MAGI2: variants seen among roughly 807,000 people sequenced by gnomAD.
The protein encoded by MAGI2 is membrane associated guanylate kinase, WW and PDZ domain containing 2, also known as membrane-associated guanylate kinase, WW and PDZ domain-containing protein 2.
In MAGI2, 35 loss-of-function variants were observed where a neutral mutation model predicts 133.3. That is an observed-to-expected ratio of 0.26 (90% CI 0.20 to 0.35). MAGI2 has a LOEUF of 0.35. Among genes scored for constraint, MAGI2 ranks in the 10% least tolerant of loss-of-function variants. The pLI, the probability that MAGI2 is intolerant of heterozygous loss-of-function variation, is 1.00. For synonymous variants in MAGI2, 729 were observed against 710.6 expected, an observed-to-expected ratio of 1.03 and a Z score of -0.41; for missense variants, 1,636 against 1,863.4, an observed-to-expected ratio of 0.88 and a Z score of 2.25.
At chr7:79,173,432 C>T (rs1562962639) in intron 1 of MAGI2, among the ~76,000 whole-genome samples, 1 of 151,986 alleles carries the variant, frequency 6.6e-6, no homozygotes, top group Non-Finnish European at 1.5e-5. Context: ...CTCAAGTGAT[C>T]CTTCCACTTC....
chr7:78,757,305 TTCTCTCTC>T (rs3086250), intron 2 of MAGI2, among the ~76,000 whole-genome samples: 5 of 145,376 alleles, frequency 3.4e-5, no homozygotes, highest in East Asian at 2.1e-4. Context: ...TTCTCCCTCC[TTCTCTCTC>T]TCTCTCTCTC....
chr7:79,276,935 C>T (rs1835272138), intron 1 of MAGI2, among the ~76,000 whole-genome samples: 1 of 151,680 alleles, frequency 6.6e-6, no homozygotes, highest in Admixed American at 6.6e-5. Flanking sequence ...TGCACTCCAG[C>T]CTGGGTGATA....
chr7:78,209,644 A>G (rs561284931), intron 10 of MAGI2, among the ~76,000 whole-genome samples: 2 of 151,150 alleles, frequency 1.3e-5, no homozygotes, highest in South Asian at 4.2e-4. Context: ...TCTATTTCAA[A>G]TCTCCTTCTA....
chr7:78,160,399 TC>T, intron 15 of MAGI2, 126 bp from the exon 16 acceptor site: 1 of 1,037,606 alleles, frequency 9.6e-7, no homozygotes, highest in Non-Finnish European at 1.3e-6. Flanking sequence ...CTTCTCTTTC[TC>T]CCAGATTTGC....
At chr7:79,194,309 A>T (rs1452001812) in intron 1 of MAGI2, among the ~76,000 whole-genome samples, 1 of 152,020 alleles carries the variant, frequency 6.6e-6, no homozygotes, top group African/African-American at 2.4e-5. Context: ...GTTTTGTTTT[A>T]AAAAGCCTAG....
chr7:78,743,016 A>C (rs540470483), intron 2 of MAGI2, among the ~76,000 whole-genome samples: 1 of 152,344 alleles, frequency 6.6e-6, no homozygotes, highest in East Asian at 1.9e-4. Context: ...AGCTCCAGTC[A>C]GTGGGACCAC....
chr7:79,040,876 T>C (rs1811600225), intron 1 of MAGI2, among the ~76,000 whole-genome samples: 1 of 152,180 alleles, frequency 6.6e-6, no homozygotes. Flanking sequence ...AATTACCCAG[T>C]CTCAGGTATT....
intron 1 of MAGI2, among the ~76,000 whole-genome samples, chr7:79,250,859 T>C (rs1231183408): frequency 6.6e-6 from 1 of 152,174 alleles, no homozygotes; most frequent in Non-Finnish European, 1.5e-5. Flanking sequence ...AGAGCTATAG[T>C]AACCAAGACA....
intron 3 of MAGI2, chr7:78,616,128 G>A (rs1807058205): frequency 6.6e-6 from 1 of 152,202 alleles, no homozygotes; most frequent in East Asian, 1.9e-4. Flanking sequence ...AGTCCCACAT[G>A]TCCACATATT....
At chr7:79,452,437 C>T (rs1183758456) in intron 1 of MAGI2, among the ~76,000 whole-genome samples, 1 of 152,106 alleles carries the variant, frequency 6.6e-6, no homozygotes, top group Non-Finnish European at 1.5e-5. Flanking sequence ...ACAGAAGACC[C>T]GTCAAAGCGC....
intron 3 of MAGI2, among the ~76,000 whole-genome samples, chr7:78,606,043 T>C (rs1161164440): frequency 6.6e-6 from 1 of 152,042 alleles, no homozygotes; most frequent in Non-Finnish European, 1.5e-5. Context: ...GTTCAGAAAG[T>C]AGACTTGAAA....
At chr7:79,444,251 C>T (rs1270884353) in intron 1 of MAGI2, among the ~76,000 whole-genome samples, 3 of 152,144 alleles carry the variant, frequency 2.0e-5, no homozygotes, top group Non-Finnish European at 4.4e-5. Flanking sequence ...TGAAAACTGG[C>T]TCAAGACAGG....
rs141716478 is a variant in MAGI2 at position 78,608,080 on chromosome 7, C to T, written c.538+19040G>A. ...ATTTCCTGTTTCAGCTATCATAGGCCGCTCAAGCCCAAGCATGGCCTTTTG... is the reference window on the plus strand; with the variant it reads ...ATTTCCTGTTTCAGCTATCATAGGCTGCTCAAGCCCAAGCATGGCCTTTTG... On this transcript the variant is annotated intron_variant, in intron 3 of 21. Coordinates refer to ENST00000354212, the MANE Select transcript of MAGI2 (RefSeq NM_012301.4). Among the ~76,000 whole-genome samples the T allele has an allele frequency of 4.1e-3, 619 of 152,234 alleles. 3 individuals carry two copies. The highest frequency in any genetic ancestry group is 6.2e-3 in the Non-Finnish European group (421 of 68,026).
intron 1 of MAGI2, among the ~76,000 whole-genome samples, chr7:79,146,458 T>C (rs1183233136): frequency 1.3e-5 from 2 of 152,222 alleles, no homozygotes; most frequent in East Asian, 1.9e-4. Context: ...TTGACAGATA[T>C]GACTTAATGG....
chr7:78,176,908 G>GACTCTCACACACACACACACAC (rs781171770), intron 14 of MAGI2, among the ~76,000 whole-genome samples: 1 of 130,432 alleles, frequency 7.7e-6, no homozygotes, highest in African/African-American at 2.9e-5. Context: ...ACCATATATA[G>GACTCTCACACACACACACACAC]ACACACACAC....
At chr7:78,620,119 TA>T (rs975685239) in intron 3 of MAGI2, among the ~76,000 whole-genome samples, 1 of 151,958 alleles carries the variant, frequency 6.6e-6, no homozygotes, top group African/African-American at 2.4e-5. Context: ...TTTGGTCTTC[TA>T]AAATGACAAA....
intron 1 of MAGI2, among the ~76,000 whole-genome samples, chr7:79,309,270 G>T (rs1004705442): frequency 1.3e-5 from 2 of 151,778 alleles, no homozygotes; most frequent in African/African-American, 4.8e-5. Flanking sequence ...AGAATAAAAG[G>T]CAATACATAT....
chr7:79,191,906 T>C (rs1453678195), intron 1 of MAGI2, among the ~76,000 whole-genome samples: 1 of 151,886 alleles, frequency 6.6e-6, no homozygotes, highest in African/African-American at 2.4e-5. Context: ...CTAACTTCTT[T>C]CTGGCTTGAA....
intron 2 of MAGI2, among the ~76,000 whole-genome samples, chr7:78,913,418 G>A (rs570818214): frequency 2.3e-4 from 35 of 152,146 alleles, no homozygotes; most frequent in African/African-American, 7.0e-4. Context: ...GCCTTCTGCC[G>A]TGATTGTAAG....
Sources: gnomAD v4.1 joint callset for allele counts (sites outside exome capture counted in the v4.1 genomes callset) on GRCh38, gnomAD v4.1.1 for gene constraint, MANE v1.5 for transcripts, NCBI Gene and HGNC (gene_info 2026-07-23, HGNC 2026-07-21) for gene names.